ZNF100: variants seen among roughly 807,000 people sequenced by gnomAD.
The protein encoded by ZNF100 is zinc finger protein 100 (Y1).
Under a neutral mutation model 15.8 loss-of-function variants are expected in ZNF100, and 12 were observed. The ratio of observed to expected loss-of-function variants is 0.76; its 90% CI spans 0.49 to 1.23. The LOEUF is 1.23. Among genes scored for constraint, ZNF100 ranks in the 50% most tolerant of loss-of-function variants. The probability of loss-of-function intolerance (pLI) is 0.00; values close to 1 mark genes in which losing one functional copy is unlikely to be tolerated. For missense variants in ZNF100, 670 were observed against 635.6 expected, an observed-to-expected ratio of 1.05 and a Z score of -0.58; for synonymous variants, 226 against 214.8, an observed-to-expected ratio of 1.05 and a Z score of -0.45.
Position 21,726,949 on chromosome 19 carries a change from T to C in ZNF100, c.1363A>G (p.Lys455Glu), listed in dbSNP as rs202172761. 33 of 1,611,304 alleles carry C rather than the reference T, an allele frequency of 2.0e-5. No individual in the cohort carries two copies. The highest frequency in any genetic ancestry group is 2.6e-5 in the Non-Finnish European group (31 of 1,179,058). ...TTHKMIHTGE[K>E]PYKCDECGKA... ...CCACATTCGTCACATTTGTAGGGTT[T>C]CTCTCCAGTATGAATCATCTTATGG... Residue 455 changes from lysine to glutamate, a missense_variant, in exon 5 of 5, where the codon AAA becomes GAA. Lys to Glu is a moderately conservative substitution (Grantham distance 56, BLOSUM62 1). Transcript: ENST00000358296.
chr19:21,729,264 C>T (rs2035870605), intron 4 of ZNF100, among the ~76,000 whole-genome samples: 1 of 151,950 alleles, frequency 6.6e-6, no homozygotes, highest in South Asian at 2.1e-4. Flanking sequence ...GCAAATCTGT[C>T]CTGCCAAATA....
intron 4 of ZNF100, among the ~76,000 whole-genome samples, chr19:21,731,716 T>C (rs2035923731): frequency 6.6e-6 from 1 of 152,086 alleles, no homozygotes; most frequent in African/African-American, 2.4e-5. Flanking sequence ...ACTCTAAAAA[T>C]AAAGCTTGAT....
At chr19:21,741,667 G>A (rs988476558) in intron 4 of ZNF100, among the ~76,000 whole-genome samples, 5 of 151,754 alleles carry the variant, frequency 3.3e-5, no homozygotes, top group South Asian at 2.1e-4. Context: ...GAGCCACCAC[G>A]CCTGGCATGT....
chr19:21,763,024 A>G (rs968252035), intron 2 of ZNF100, among the ~76,000 whole-genome samples: 2 of 152,224 alleles, frequency 1.3e-5, no homozygotes, highest in South Asian at 2.1e-4. Context: ...TGGAAACATC[A>G]GGCAGTTACC....
At chr19:21,757,693 A>C (rs2036413090) in intron 2 of ZNF100, among the ~76,000 whole-genome samples, 2 of 152,242 alleles carry the variant, frequency 1.3e-5, no homozygotes, top group Admixed American at 6.5e-5. Flanking sequence ...TACAATAACA[A>C]AGACATGGAA....
At chr19:21,763,736 A>G (rs1188977724) in intron 2 of ZNF100, among the ~76,000 whole-genome samples, 1 of 152,266 alleles carries the variant, frequency 6.6e-6, no homozygotes, top group East Asian at 1.9e-4. Context: ...AGGGTAAAAC[A>G]TTCTCTAATC....
rs561793160 is a variant in ZNF100 at position 21,732,009 on chromosome 19, T to C, written c.323-4020A>G. ...GACTCACATCTGTAATCCCAGCACT[T>C]TGGGAGGCCAAGGTGGGCGGATCAC... On this transcript the variant is annotated intron_variant, in intron 4 of 4. Transcript: ENST00000358296. Among the ~76,000 whole-genome samples the C allele has an allele frequency of 3.9e-5, 6 of 152,294 alleles. No homozygotes were observed. The South Asian group carries it at 1.2e-3, about 32-fold the overall frequency.
chr19:21,767,405 A>T lies in ZNF100; in HGVS notation c.3+22T>A, dbSNP rs377402442. The T allele has an allele frequency of 1.9e-6, 3 of 1,613,958 alleles. No homozygotes were observed. The South Asian group carries it at 3.3e-5, about 18-fold the overall frequency. On this transcript the variant is annotated intron_variant, in intron 1 of 4. Coordinates refer to ENST00000358296, the MANE Select transcript of ZNF100 (RefSeq NM_173531.4). Reference sequence around the variant, plus strand: ...ACCAGCCCTTTCGCCGTCTCTCGGGATGTCGGACCGGGCACTCTCACCATT... The same window carrying T: ...ACCAGCCCTTTCGCCGTCTCTCGGGTTGTCGGACCGGGCACTCTCACCATT...
intron 2 of ZNF100, chr19:21,751,524 GC>G: frequency 1.8e-6 from 2 of 1,135,766 alleles, no homozygotes; most frequent in Non-Finnish European, 2.7e-6. Flanking sequence ...ATCGACATTT[GC>G]CCCACTAACT....
intron 4 of ZNF100, among the ~76,000 whole-genome samples, chr19:21,741,987 T>C (rs1022255179): frequency 2.6e-5 from 4 of 152,122 alleles, no homozygotes; most frequent in East Asian, 1.9e-4. Context: ...GGCCTTGAAA[T>C]GTACACTTAA....
chr19:21,752,995 ATT>A (rs2145732747), intron 2 of ZNF100: 1 of 152,296 alleles, frequency 6.6e-6, no homozygotes, highest in South Asian at 2.1e-4. Flanking sequence ...CGCACCCTGC[ATT>A]TGTCTCCTGA....
intron 2 of ZNF100, among the ~76,000 whole-genome samples, chr19:21,765,205 A>C (rs1002374660): frequency 6.6e-6 from 1 of 152,200 alleles, no homozygotes; most frequent in Non-Finnish European, 1.5e-5. Context: ...ACAGCTAAAA[A>C]ACTGAGGTCA....
In ZNF100 at chr19:21,724,917, G is replaced by C. The variant is rs1468600177; in HGVS notation, c.*1766C>G. On this transcript the variant is annotated 3_prime_UTR_variant, in exon 5 of 5. Coordinates refer to ENST00000358296, the MANE Select transcript of ZNF100 (RefSeq NM_173531.4). The stretch of plus-strand genomic sequence containing the variant: ...AATACAAAAATTAGCTGGGCATGGT[G>C]GTGGGTGCCTGTAATCCCAGCTACT... 1.3e-5 allele frequency: 2 copies of C among 152,228 alleles called. No individual in the cohort carries two copies. Among genetic ancestry groups the C allele is most frequent in the East Asian group, 1.9e-4 (1 of 5,176 alleles). The allele number at this position is 152,228 out of a possible 1,614,324, so 9.4% of individuals were successfully genotyped here.
Position 21,727,089 on chromosome 19 carries a change from T to C in ZNF100, c.1223A>G (p.Lys408Arg). The change falls in exon 5 of 5, where the codon AAA (lysine) becomes AGA (arginine). Residue 408 changes from lysine to arginine, a missense_variant. Coordinates refer to ENST00000358296, the MANE Select transcript of ZNF100 (RefSeq NM_173531.4). Reference protein sequence around the residue: ...EKFYKCEECGKGFNWSSALTK... With the variant: ...EKFYKCEECGRGFNWSSALTK... ...GAGGGCTGAGGACCAGTTAAAGCCT[T>C]TGCCGCATTCTTCACATTTGTAGAA... The C allele has an allele frequency of 2.5e-6, 4 of 1,613,680 alleles. No homozygotes were observed. Among genetic ancestry groups the C allele is most frequent in the South Asian group, 2.2e-5 (2 of 91,042 alleles).
intron 2 of ZNF100, among the ~76,000 whole-genome samples, chr19:21,755,692 T>A (rs1306140960): frequency 1.3e-5 from 2 of 152,042 alleles, no homozygotes; most frequent in Non-Finnish European, 2.9e-5. Flanking sequence ...CAAATGCCCA[T>A]CAATGACAGA....
At chr19:21,735,899 C>A (rs1395496963) in intron 4 of ZNF100, among the ~76,000 whole-genome samples, 1 of 152,094 alleles carries the variant, frequency 6.6e-6, no homozygotes, top group Non-Finnish European at 1.5e-5. Context: ...CACCATTCTC[C>A]TGCCTCAGCC....
rs971809049 is a variant in ZNF100, at chr19:21,727,333, T to C, written c.979A>G (p.Asn327Asp). ...TGTGTAGTAAGGTGTGAGGACCGGT[T>C]AAAAGCTTTGCCACATTCTGTACAT... ...YKCTECGKAF[N>D]RSSHLTTHRI... Residue 327 changes from asparagine to aspartate, a missense_variant, in exon 5 of 5, where the codon AAC becomes GAC. Transcript: ENST00000358296. The C allele has an allele frequency of 6.2e-7, 1 of 1,612,718 alleles. No individual in the cohort carries two copies. Among genetic ancestry groups the C allele is most frequent in the Non-Finnish European group, 8.5e-7 (1 of 1,179,554 alleles).
intron 4 of ZNF100, among the ~76,000 whole-genome samples, chr19:21,741,907 G>A (rs1568299520): frequency 6.6e-6 from 1 of 152,088 alleles, no homozygotes; most frequent in East Asian, 1.9e-4. Context: ...CAAACTTTTG[G>A]GCTCAAGTGA....
chr19:21,740,730 T>C (rs2036092916), intron 4 of ZNF100, among the ~76,000 whole-genome samples: 1 of 151,788 alleles, frequency 6.6e-6, no homozygotes, highest in Non-Finnish European at 1.5e-5. Flanking sequence ...TGAAATCACC[T>C]CACATCCATT....
Sources: gnomAD v4.1 joint callset for allele counts (sites outside exome capture counted in the v4.1 genomes callset) on GRCh38, gnomAD v4.1.1 for gene constraint, MANE v1.5 for transcripts, NCBI Gene and HGNC (gene_info 2026-07-23, HGNC 2026-07-21) for gene names.